The following CFAP54 variants were observed in gnomAD, a reference collection of about 807,000 sequenced individuals.
The protein encoded by CFAP54 is cilia- and flagella-associated protein 54.
CFAP54 carries 290 observed loss-of-function variants against 370.4 expected under a neutral mutation model. That is an observed-to-expected ratio of 0.78 (90% confidence interval 0.71 to 0.86). CFAP54 has a LOEUF of 0.86. Among genes scored for constraint, CFAP54 ranks in the 40% least tolerant of loss-of-function variants. The pLI is 0.00. For synonymous variants in CFAP54, 1,206 were observed against 1,236.5 expected, an observed-to-expected ratio of 0.98 and a Z score of 0.52; for missense variants, 3,399 against 3,528.7, an observed-to-expected ratio of 0.96 and a Z score of 0.93.
rs1243200960 is a variant in CFAP54, at chr12:96,547,898, C to A, written c.2078-4C>A. 1 of 1,451,970 alleles carries A rather than the reference C, an allele frequency of 6.9e-7. No homozygotes were observed. Among genetic ancestry groups the A allele is most frequent in the Non-Finnish European group, 9.2e-7 (1 of 1,091,120 alleles). The allele number at this position is 1,451,970 out of a possible 1,614,324, so 89.9% of individuals were successfully genotyped here. ...ATTCCCTTCCTCCTTCCTTTCTTTTCCAGATGTACCTTTAAGAGAAGGGAC... is the reference window on the plus strand; with the variant it reads ...ATTCCCTTCCTCCTTCCTTTCTTTTACAGATGTACCTTTAAGAGAAGGGAC... On this transcript the variant is annotated splice_region_variant and splice_polypyrimidine_tract_variant and intron_variant, in intron 14 of 67. Transcript: ENST00000524981.
chr12:96,671,755 C>G (rs559294987), intron 39 of CFAP54, among the ~76,000 whole-genome samples: 1 of 152,114 alleles, frequency 6.6e-6, no homozygotes, highest in Admixed American at 6.5e-5. Flanking sequence ...AACCCCGTCT[C>G]TACTAAAAAT....
At chr12:96,662,882 C>T (rs1337492433) in intron 38 of CFAP54, among the ~76,000 whole-genome samples, 1 of 152,090 alleles carries the variant, frequency 6.6e-6, no homozygotes, top group Non-Finnish European at 1.5e-5. Context: ...ATATTTACAA[C>T]TATGTGCCTT....
intron 65 of CFAP54, among the ~76,000 whole-genome samples, chr12:96,824,947 A>G (rs1429226573): frequency 6.6e-6 from 1 of 151,804 alleles, no homozygotes; most frequent in African/African-American, 2.4e-5. Context: ...CATGGTTCCT[A>G]TACACACCTG....
At chr12:96,605,714 G>T (rs944568985) in intron 26 of CFAP54, among the ~76,000 whole-genome samples, 4 of 152,168 alleles carry the variant, frequency 2.6e-5, no homozygotes, top group Admixed American at 1.3e-4. Context: ...AGTAATTGTA[G>T]GAGGAGAAGA....
At position 96,684,730 on chromosome 12, in the gene CFAP54, G is replaced by C; in HGVS notation, c.5799G>C (p.Lys1933Asn). The C allele has an allele frequency of 6.2e-7, 1 of 1,608,958 alleles. No homozygotes were observed. The highest frequency in any genetic ancestry group is 8.5e-7 in the Non-Finnish European group (1 of 1,178,316). Reference sequence around the variant, plus strand: ...GAAGTCTTCTCATCTTCGCAGAAAAGAAAAGGTAGATTTTTAGAAGTCTGT... The same window carrying C: ...GAAGTCTTCTCATCTTCGCAGAAAACAAAAGGTAGATTTTTAGAAGTCTGT... ...SLGSLLIFAE[K>N]KRAAFKCWCQ... Residue 1933 changes from lysine (K) to asparagine (N), a missense_variant, in exon 41 of 68, where the codon AAG becomes AAC. By Grantham distance (94) the Lys-to-Asn change is moderately conservative. Coordinates refer to ENST00000524981, the MANE Select transcript of CFAP54 (RefSeq NM_001306084.2).
intron 63 of CFAP54, among the ~76,000 whole-genome samples, chr12:96,805,719 T>C (rs1374198348): frequency 6.6e-6 from 1 of 152,126 alleles, no homozygotes; most frequent in Non-Finnish European, 1.5e-5. Flanking sequence ...CACCATTGGA[T>C]TCAGCAGTTC....
chr12:96,587,379 A>G (rs1330439464), intron 22 of CFAP54, among the ~76,000 whole-genome samples: 1 of 152,184 alleles, frequency 6.6e-6, no homozygotes, highest in Non-Finnish European at 1.5e-5. Context: ...AGGAAAACCA[A>G]GAGTGGAATT....
At chr12:96,618,083 T>C (rs1289101148) in intron 26 of CFAP54, among the ~76,000 whole-genome samples, 2 of 151,774 alleles carry the variant, frequency 1.3e-5, no homozygotes, top group Non-Finnish European at 2.9e-5. Context: ...GGTGTCTTTT[T>C]CAAATAAGGG....
chr12:96,711,081 C>G (rs1957608320), intron 48 of CFAP54, among the ~76,000 whole-genome samples: 1 of 152,172 alleles, frequency 6.6e-6, no homozygotes, highest in Admixed American at 6.6e-5. Flanking sequence ...GCAATTCAAT[C>G]TCTTTACTTG....
chr12:96,700,194 T>A, intron 46 of CFAP54, 101 bp downstream of exon 46: 1 of 1,294,294 alleles, frequency 7.7e-7, no homozygotes, highest in Admixed American at 2.4e-5. Context: ...CAATCTCTGG[T>A]ATTTTAGCCC....
intron 26 of CFAP54, among the ~76,000 whole-genome samples, chr12:96,616,199 C>T (rs7315241): frequency 0.42 from 63,830 of 152,030 alleles, 14,011 homozygotes; most frequent in Admixed American, 0.5. Context: ...AGGATGAGTT[C>T]ATGTCCTTTG....
chr12:96,656,308 C>T (rs542463739), intron 36 of CFAP54, among the ~76,000 whole-genome samples: 5 of 151,982 alleles, frequency 3.3e-5, no homozygotes, highest in African/African-American at 4.8e-5. Context: ...TCTCCCCCCC[C>T]CTCCCCTTTT....
chr12:96,722,839 T>C (rs1048935836), intron 50 of CFAP54, among the ~76,000 whole-genome samples: 2 of 152,144 alleles, frequency 1.3e-5, no homozygotes, highest in African/African-American at 4.8e-5. Context: ...TTTACAGATA[T>C]TGGATGTAAG....
chr12:96,597,384 C>T (rs1034363892), intron 25 of CFAP54, among the ~76,000 whole-genome samples: 2 of 151,830 alleles, frequency 1.3e-5, no homozygotes, highest in African/African-American at 4.8e-5. Context: ...GATGGTATCT[C>T]ATCTTCACTG....
intron 32 of CFAP54, among the ~76,000 whole-genome samples, chr12:96,638,206 T>TGC (rs1565923445): frequency 0.015 from 579 of 37,994 alleles, 4 homozygotes; most frequent in East Asian, 0.08. Context: ...TATATATGCA[T>TGC]GTGTGTGTGT....
chr12:96,814,873 G>A (rs1477520580), intron 64 of CFAP54, among the ~76,000 whole-genome samples: 2 of 152,148 alleles, frequency 1.3e-5, no homozygotes, highest in African/African-American at 4.8e-5. Context: ...TGTCCTTGCA[G>A]AGGACATGAA....
intron 32 of CFAP54, among the ~76,000 whole-genome samples, chr12:96,631,678 CAT>C (rs1396215076): frequency 2.7e-5 from 4 of 149,226 alleles, no homozygotes; most frequent in Middle Eastern, 3.6e-3. Flanking sequence ...ATATAAATAA[CAT>C]AATTTAACAT....
rs148255245 is a variant in CFAP54, at chr12:96,755,355, G to A, written c.7841-1103G>A. On this transcript the variant is annotated intron_variant, in intron 56 of 67. Transcript: ENST00000524981. The stretch of plus-strand genomic sequence containing the variant: ...TACTTATCATTTTTTTGTGGTGAAA[G>A]CATTTAAAATCTATAATTATTATTA... 9.0e-3 allele frequency among the ~76,000 whole-genome samples: 1,369 copies of A among 152,136 alleles called. 28 individuals are homozygous for A. Among genetic ancestry groups the A allele is most frequent in the African/African-American group, 0.032 (1,320 of 41,482 alleles).
At chr12:96,503,556 C>G (rs1955056757) in intron 2 of CFAP54, among the ~76,000 whole-genome samples, 1 of 152,014 alleles carries the variant, frequency 6.6e-6, no homozygotes, top group African/African-American at 2.4e-5. Context: ...TGTGGGTTAC[C>G]ATGATCTGAT....
Sources: gnomAD v4.1 joint callset for allele counts (sites outside exome capture counted in the v4.1 genomes callset) on GRCh38, gnomAD v4.1.1 for gene constraint, MANE v1.5 for transcripts, NCBI Gene and HGNC (gene_info 2026-07-23, HGNC 2026-07-21) for gene names.